DNAH5: variants seen among roughly 807,000 people sequenced by gnomAD.
DNAH5 encodes dynein axonemal heavy chain 5.
A neutral mutation model predicts 518.2 loss-of-function variants in DNAH5; 372 were observed. The observed-to-expected ratio is 0.72, with a 90% CI of 0.66 to 0.78. The LOEUF (loss-of-function observed/expected upper bound fraction) is 0.78. Ranked by LOEUF, DNAH5 falls within the 30% of genes least tolerant of loss-of-function variation. DNAH5 has a pLI of 0.00. For missense variants in DNAH5, 5,523 were observed against 5,687.0 expected (o/e 0.97, Z 0.93); for synonymous variants, 2,039 against 2,025.9 (o/e 1.01, Z -0.17).
Position 13,759,388 on chromosome 5 carries a change from C to A in DNAH5, c.10282-405G>T, listed in dbSNP as rs537462282. Among the ~76,000 whole-genome samples, 27 of 152,304 alleles carry A rather than the reference C, an allele frequency of 1.8e-4. 2 individuals carry two copies. The highest frequency in any genetic ancestry group is 5.5e-4 in the African/African-American group (23 of 41,574). ...AGGCCATAGTCTACCTAGATCAGAACACTGTAATATTAAATGTATATAGGT... is the reference window on the plus strand; with the variant it reads ...AGGCCATAGTCTACCTAGATCAGAAAACTGTAATATTAAATGTATATAGGT... On this transcript the variant is annotated intron_variant, in intron 60 of 78. Transcript: ENST00000265104.
chr5:13,923,435 G>A lies in DNAH5; in HGVS notation c.283C>T (p.Leu95Phe), dbSNP rs757542755. The A allele has an allele frequency of 1.5e-5, 24 of 1,613,924 alleles. No homozygotes were observed. Among genetic ancestry groups the A allele is most frequent in the Non-Finnish European group, 2.0e-5 (24 of 1,179,984 alleles). Residue 95 changes from leucine (L) to phenylalanine (F), a missense_variant, in exon 4 of 79, where the codon CTT (leucine) becomes TTT (phenylalanine). Physicochemically the swap from Leu to Phe is conservative, Grantham distance 22. Transcript: ENST00000265104. ...AGATTTACCCCTCCTAGAGAGCCAA[G>A]TTGTCCTACAAAAGCAAAATAATTT... ...QDVEEAETGQ[L>F]GSLGGVNLVS...
chr5:13,966,368 G>A (rs1323237861), intron 1 of DNAH5, among the ~76,000 whole-genome samples: 1 of 152,140 alleles, frequency 6.6e-6, no homozygotes, highest in Admixed American at 6.5e-5. Context: ...TTTCCTCTGG[G>A]TAGATACCCA....
At chr5:13,805,635 G>A (rs1379248239) in intron 47 of DNAH5, among the ~76,000 whole-genome samples, 1 of 152,182 alleles carries the variant, frequency 6.6e-6, no homozygotes, top group African/African-American at 2.4e-5. Context: ...TGATATGCCT[G>A]GAAGGTAGCA....
At chr5:13,988,431 T>C (rs926626717) in intron 1 of DNAH5, among the ~76,000 whole-genome samples, 2 of 148,120 alleles carry the variant, frequency 1.4e-5, no homozygotes, top group Admixed American at 6.7e-5. Context: ...TTTTTTTTTT[T>C]CTTTGAGACA....
In DNAH5 at chr5:13,914,584, G is replaced by C. The variant is rs150010518; in HGVS notation, c.1256C>G (p.Ser419Cys). ...AACATCCTGTGGCTGGTTCCAGATG[G>C]AAGCGGTTCCATTATTGGTAATATA... is the stretch of plus-strand genomic sequence containing the variant. ...KAYITNNGTA[S>C]IWNQPQDVVE... Residue 419 changes from serine to cysteine, a missense_variant, in exon 10 of 79, where the codon TCC (serine) becomes TGC (cysteine). Ser to Cys is a moderately radical substitution (Grantham distance 112). Transcript: ENST00000265104. 6 of 1,613,226 alleles carry C rather than the reference G, an allele frequency of 3.7e-6. No individual in the cohort carries two copies. The highest frequency in any genetic ancestry group is 5.1e-6 in the Non-Finnish European group (6 of 1,179,434).
At chr5:13,697,903 GC>G (rs1448052041) in intron 78 of DNAH5, among the ~76,000 whole-genome samples, 3 of 152,160 alleles carry the variant, frequency 2.0e-5, no homozygotes, top group Non-Finnish European at 4.4e-5. Flanking sequence ...CATGTGTATG[GC>G]TTGAATTTGT....
chr5:13,734,512 GA>G (rs1420030409), intron 68 of DNAH5, among the ~76,000 whole-genome samples: 4 of 152,126 alleles, frequency 2.6e-5, no homozygotes, highest in Non-Finnish European at 5.9e-5. Context: ...TCCACAGGAT[GA>G]GCTGCACAGG....
intron 12 of DNAH5, among the ~76,000 whole-genome samples, chr5:13,907,976 G>C (rs1580838983): frequency 6.6e-6 from 1 of 152,090 alleles, no homozygotes; most frequent in Non-Finnish European, 1.5e-5. Flanking sequence ...GATAATGTTA[G>C]GTCAGAAGTA....
At chr5:13,784,453 T>G (rs556555892) in intron 52 of DNAH5, among the ~76,000 whole-genome samples, 1 of 152,318 alleles carries the variant, frequency 6.6e-6, no homozygotes, top group Admixed American at 6.5e-5. Flanking sequence ...CCAAGCCAAG[T>G]GCCCTCGTGC....
Position 13,694,255 on chromosome 5 carries a change from T to C in DNAH5, c.13724-2120A>G, listed in dbSNP as rs552701892. Among the ~76,000 whole-genome samples the C allele has an allele frequency of 3.7e-4, 56 of 152,316 alleles. No individual in the cohort carries two copies. The South Asian group carries it at 0.011, about 31-fold the overall frequency. ...CAGGTAAAAATAATTTTCTGAAATA[T>C]TTATCCAATTCTATTTATTTTTAAT... On this transcript the variant is annotated intron_variant, in intron 78 of 78. Transcript: ENST00000265104.
intron 1 of DNAH5, among the ~76,000 whole-genome samples, chr5:14,004,890 A>G (rs1784613500): frequency 6.6e-6 from 1 of 150,524 alleles, no homozygotes; most frequent in Non-Finnish European, 1.5e-5. Flanking sequence ...TTTCTTCCTT[A>G]GATTTCTGCG....
intron 5 of DNAH5, 137 bp from the exon 6 acceptor site, chr5:13,920,754 C>T: frequency 1.2e-6 from 1 of 847,736 alleles, no homozygotes; most frequent in East Asian, 2.6e-5. Flanking sequence ...CCTCTCCACT[C>T]CCACGTGCCT....
intron 1 of DNAH5, among the ~76,000 whole-genome samples, chr5:13,984,164 G>T (rs1488054554): frequency 6.6e-6 from 1 of 152,204 alleles, no homozygotes; most frequent in Non-Finnish European, 1.5e-5. Context: ...CTTTGAAGGA[G>T]CCTGGAGCCA....
chr5:13,902,602 T>A (rs1483105125), intron 12 of DNAH5, among the ~76,000 whole-genome samples: 2 of 152,198 alleles, frequency 1.3e-5, no homozygotes, highest in East Asian at 3.8e-4. Context: ...GTTCCCATAC[T>A]TTCTCATCAC....
intron 35 of DNAH5, among the ~76,000 whole-genome samples, chr5:13,833,867 C>T (rs570819251): frequency 6.6e-5 from 10 of 152,280 alleles, no homozygotes; most frequent in Middle Eastern, 3.4e-3. Context: ...ATTATAATAG[C>T]TATTTTATCA....
chr5:13,917,226 C>T lies in DNAH5; in HGVS notation c.1006G>A (p.Asp336Asn). The T allele has an allele frequency of 6.2e-7, 1 of 1,613,952 alleles. No homozygotes were observed. The highest frequency in any genetic ancestry group is 8.5e-7 in the Non-Finnish European group (1 of 1,179,954). ...TWREMDIRITDATNEAKDNVK... is the reference protein window; with the variant it reads ...TWREMDIRITNATNEAKDNVK... Reference sequence around the variant, plus strand: ...TTGTCCTTTGCTTCATTAGTTGCATCAGTGATTCGAATATCCATCTCCCGC... The same window carrying T: ...TTGTCCTTTGCTTCATTAGTTGCATTAGTGATTCGAATATCCATCTCCCGC... The change falls in exon 8 of 79, where the codon GAT (aspartate) becomes AAT (asparagine). Residue 336 changes from aspartate to asparagine, a missense_variant. Transcript: ENST00000265104.
intron 50 of DNAH5, among the ~76,000 whole-genome samples, chr5:13,791,605 TAAGTTA>T (rs931540284): frequency 4.6e-5 from 7 of 152,222 alleles, no homozygotes; most frequent in African/African-American, 1.7e-4. Flanking sequence ...AATTACTTTT[TAAGTTA>T]AAGTGTCAAG....
rs70964506 is a variant in DNAH5 at position 13,778,598 on chromosome 5, G to GAAAGAAAGAAAGAAAGAAAGAAAGAA, written c.8952-1244_8952-1243insTTCTTTCTTTCTTTCTTTCTTTCTTT. Among the ~76,000 whole-genome samples the GAAAGAAAGAAAGAAAGAAAGAAAGAA allele has an allele frequency of 2.9e-4, 41 of 140,232 alleles. No homozygotes were observed. In the East Asian group the frequency reaches 3.0e-3, roughly 10 times the overall value. The allele number at this position is 140,232 out of a possible 152,430, so 92.0% of individuals were successfully genotyped here. On this transcript the variant is annotated intron_variant, in intron 53 of 78. Transcript: ENST00000265104. ...AGAAAGAAAGAAAGAAAGAAAGAAA[G>GAAAGAAAGAAAGAAAGAAAGAAAGAA]AGAGAGAGAAAGAAAAAGAAAGAAA... is the stretch of plus-strand genomic sequence containing the variant.
At chr5:13,996,891 G>A (rs1192747759) in intron 1 of DNAH5, among the ~76,000 whole-genome samples, 1 of 152,212 alleles carries the variant, frequency 6.6e-6, no homozygotes, top group Non-Finnish European at 1.5e-5. Context: ...TGCCTGTGGT[G>A]GTCCCAACCC....
Sources: allele counts gnomAD v4.1 joint callset (sites outside exome capture counted in the v4.1 genomes callset), GRCh38; gene constraint gnomAD v4.1.1; transcripts MANE v1.5; gene names NCBI Gene and HGNC (gene_info 2026-07-23, HGNC 2026-07-21).